PLA2G6: variants seen among roughly 807,000 people sequenced by gnomAD.
PLA2G6 encodes the protein 85/88 kDa calcium-independent phospholipase A2.
A neutral mutation model predicts 83.8 loss-of-function variants in PLA2G6; 62 were observed. That is an observed-to-expected ratio of 0.74 (90% CI 0.60 to 0.91). The LOEUF is 0.91. Ranked by LOEUF, PLA2G6 falls within the 40% of genes least tolerant of loss-of-function variation. The pLI is 0.00. For synonymous variants in PLA2G6, 417 were observed against 449.8 expected (o/e 0.93, Z 0.92); for missense variants, 944 against 1,102.0 (o/e 0.86, Z 2.03).
chr22:38,134,938 C>A, intron 6 of PLA2G6, 50 bp downstream of exon 6: 1 of 1,396,144 alleles, frequency 7.2e-7, no homozygotes, highest in Non-Finnish European at 1.0e-6. Flanking sequence ...CCCTGAGGAC[C>A]TGCGGGGCCC....
intron 4 of PLA2G6, chr22:38,140,510 A>C: frequency 1.0e-5 from 3 of 290,620 alleles, no homozygotes; most frequent in Non-Finnish European, 2.0e-5. Flanking sequence ...CTCTGTCTAA[A>C]AAAAAAGAAC....
intron 14 of PLA2G6, chr22:38,113,932 C>A: frequency 1.9e-6 from 1 of 539,260 alleles, no homozygotes; most frequent in South Asian, 1.7e-5. Flanking sequence ...TCCCGCCCAC[C>A]CCATCTGATG....
At chr22:38,117,069 G>T (rs1461036714) in intron 12 of PLA2G6, among the ~76,000 whole-genome samples, 8 of 151,616 alleles carry the variant, frequency 5.3e-5, no homozygotes, top group Non-Finnish European at 1.2e-4. Context: ...TCCAGGCCTA[G>T]AAGAATTTAC....
At chr22:38,148,439 T>TA in intron 2 of PLA2G6, 1 of 709,792 alleles carries the variant, frequency 1.4e-6, no homozygotes, top group East Asian at 2.7e-5. Context: ...GACAAATTAT[T>TA]AAAAAACATC....
intron 2 of PLA2G6, among the ~76,000 whole-genome samples, chr22:38,152,785 C>T (rs560702718): frequency 6.6e-6 from 1 of 152,216 alleles, no homozygotes; most frequent in East Asian, 1.9e-4. Flanking sequence ...ACAGTTACTA[C>T]TAAAAAGTGT....
At chr22:38,115,717 A>T (rs1393599515) in intron 13 of PLA2G6, 36 bp from the exon 14 acceptor site, 1 of 1,572,098 alleles carries the variant, frequency 6.4e-7, no homozygotes, top group Admixed American at 1.8e-5. Flanking sequence ...CAGTGGCACA[A>T]GGGACTGGCA....
intron 1 of PLA2G6, among the ~76,000 whole-genome samples, chr22:38,174,921 G>A (rs924687588): frequency 2.6e-5 from 4 of 152,110 alleles, no homozygotes; most frequent in Admixed American, 1.3e-4. Context: ...GCCAAGCCCC[G>A]GAAGAAGTGC....
At chr22:38,179,556 G>A (rs2090765979) in intron 1 of PLA2G6, among the ~76,000 whole-genome samples, 1 of 152,208 alleles carries the variant, frequency 6.6e-6, no homozygotes, top group Non-Finnish European at 1.5e-5. Context: ...GGCCAAGGCA[G>A]GTGGATCACT....
rs141050017 is a variant in PLA2G6, at chr22:38,169,269, C to A, written c.158G>T (p.Arg53Leu). The A allele has an allele frequency of 6.2e-7, 1 of 1,614,172 alleles. No homozygotes were observed. Among genetic ancestry groups the A allele is most frequent in the African/African-American group, 1.3e-5 (1 of 75,062 alleles). ...GTTGACCAGGACGCAGTCCCAGGTG[C>A]GGTTGGGAGTGTTCTGGAACAGAAT... Reference protein sequence around the residue: ...QLILFQNTPNRTWDCVLVNPR... With the variant: ...QLILFQNTPNLTWDCVLVNPR... Residue 53 changes from arginine (R) to leucine (L), a missense_variant, in exon 2 of 17, where the codon CGC becomes CTC. By Grantham distance (102) the Arg-to-Leu change is moderately radical. Transcript: ENST00000332509.
At position 38,128,254 on chromosome 22, in the gene PLA2G6, G is replaced by A. The variant is rs1322641550; in HGVS notation, c.1348+15C>T. Reference sequence around the variant, plus strand: ...GAACCAGCTGGAGAAGAGGGAGTCGGGAGGCGAGGCCTACCTAGGTTGTTT... The same window carrying A: ...GAACCAGCTGGAGAAGAGGGAGTCGAGAGGCGAGGCCTACCTAGGTTGTTT... On this transcript the variant is annotated intron_variant, in intron 9 of 16. Coordinates refer to ENST00000332509, the MANE Select transcript of PLA2G6 (RefSeq NM_003560.4). This position sits in a 1 kb window ranked among gnomAD's most constrained non-coding sequence, Gnocchi z 4.4. 2.2e-5 allele frequency: 35 copies of A among 1,611,886 alleles called. No individual in the cohort carries two copies. Among genetic ancestry groups the A allele is most frequent in the Non-Finnish European group, 3.0e-5 (35 of 1,179,632 alleles).
intron 5 of PLA2G6, chr22:38,135,574 C>T (rs2088500175): frequency 6.3e-6 from 1 of 158,184 alleles, no homozygotes; most frequent in Non-Finnish European, 1.4e-5. Context: ...AGCACAATTG[C>T]TTTCTACTCG....
intron 2 of PLA2G6, among the ~76,000 whole-genome samples, chr22:38,162,223 G>GAAAAAAAAAAAAAAAAAAAA (rs1275564882): frequency 3.0e-5 from 3 of 99,460 alleles, no homozygotes; most frequent in Non-Finnish European, 2.1e-5. Flanking sequence ...AAAAAAAAAA[G>GAAAAAAAAAAAAAAAAAAAA]AAAAAAAAAA....
chr22:38,131,556 G>C (rs2088211942), intron 7 of PLA2G6: 2 of 152,274 alleles, frequency 1.3e-5, no homozygotes, highest in African/African-American at 4.8e-5. Context: ...CTTGAGAACT[G>C]CTGAGTTAGA....
chr22:38,174,544 C>T (rs943532336), intron 1 of PLA2G6, among the ~76,000 whole-genome samples: 1 of 152,194 alleles, frequency 6.6e-6, no homozygotes, highest in Non-Finnish European at 1.5e-5. Context: ...AGACCCAAGA[C>T]CAGTCCCTGT....
chr22:38,167,893 A>C (rs1365344769), intron 2 of PLA2G6: 1 of 168,968 alleles, frequency 5.9e-6, no homozygotes, highest in African/African-American at 2.4e-5. Flanking sequence ...CTTCAGCCTC[A>C]CTCTCACCAA....
At chr22:38,175,515 G>A (rs1426300206) in intron 1 of PLA2G6, among the ~76,000 whole-genome samples, 3 of 152,140 alleles carry the variant, frequency 2.0e-5, no homozygotes, top group African/African-American at 4.8e-5. Flanking sequence ...CGTCAAACTC[G>A]TGTCTCAGTG....
At chr22:38,113,881 G>A (rs766516656) in intron 14 of PLA2G6, 1 of 660,250 alleles carries the variant, frequency 1.5e-6, no homozygotes, top group South Asian at 1.5e-5. Flanking sequence ...GACAGCATCT[G>A]TGTACCAACA....
intron 12 of PLA2G6, among the ~76,000 whole-genome samples, chr22:38,119,691 T>C (rs900550198): frequency 2.0e-5 from 3 of 152,004 alleles, no homozygotes; most frequent in African/African-American, 7.2e-5. Context: ...CACATGCTAG[T>C]AGTCCCAGGC....
chr22:38,162,104 A>G (rs990491319), intron 2 of PLA2G6, among the ~76,000 whole-genome samples: 3 of 149,212 alleles, frequency 2.0e-5, no homozygotes, highest in Non-Finnish European at 3.0e-5. Context: ...GCTACTCAGG[A>G]GGCTGAGGCA....
Sources: gnomAD v4.1 joint callset for allele counts (sites outside exome capture counted in the v4.1 genomes callset) on GRCh38, gnomAD v4.1.1 for gene constraint, Gnocchi (gnomAD v3.1) non-coding constraint, MANE v1.5 for transcripts, NCBI Gene and HGNC (gene_info 2026-07-23, HGNC 2026-07-21) for gene names.